The following EEF2 variants were observed in gnomAD, a reference collection of about 807,000 sequenced individuals.
EEF2 encodes the protein eukaryotic translation elongation factor 2.
A neutral mutation model predicts 85.3 loss-of-function variants in EEF2; 21 were observed. The ratio of observed to expected loss-of-function variants is 0.25; its 90% CI spans 0.17 to 0.35. The LOEUF (loss-of-function observed/expected upper bound fraction) is 0.35, where lower values mean the gene tolerates loss of function less well. Among genes scored for constraint, EEF2 ranks in the 10% least tolerant of loss-of-function variants. The pLI is 1.00. For missense variants in EEF2, 825 were observed against 1,225.3 expected (o/e 0.67, Z 4.88); for synonymous variants, 723 against 508.8 (o/e 1.42, Z -5.67).
chr19:3,984,576 T>C lies in EEF2; in HGVS notation c.4-226A>G, dbSNP rs150184692. Among the ~76,000 whole-genome samples, 7 of 152,080 alleles carry C rather than the reference T, an allele frequency of 4.6e-5. No individual in the cohort carries two copies. In the East Asian group the frequency reaches 7.7e-4, roughly 17 times the overall value. ...TCATTCATGATTGACAACCCAGAAA[T>C]AAAAGTGCTCAGGAATAAAACTGAG... On this transcript the variant is annotated intron_variant, in intron 1 of 14. Coordinates refer to ENST00000309311, the MANE Select transcript of EEF2 (RefSeq NM_001961.4).
At chr19:3,976,846 A>G (rs1453427909) in intron 14 of EEF2, 99 bp from the exon 15 acceptor site, 1 of 1,311,768 alleles carries the variant, frequency 7.6e-7, no homozygotes, top group Non-Finnish European at 1.0e-6. Flanking sequence ...AGCCTGAGTC[A>G]CCCTGCAGAC....
At position 3,981,128 on chromosome 19, in the gene EEF2, T is replaced by G. The variant is rs1272365422; in HGVS notation, c.1012-149A>C. 2.3e-6 allele frequency: 3 copies of G among 1,325,762 alleles called. No individual in the cohort carries two copies. In the South Asian group the frequency reaches 4.4e-5, roughly 19 times the overall value. 82.1% of individuals were successfully genotyped at this position (1,325,762 alleles called of 1,614,324 possible). ...CCCTTCTGGAAGGCGGCAAAGGCCA[T>G]GCACACTCCTGCCAAGGCCCTCACC... On this transcript the variant is annotated intron_variant, in intron 7 of 14. Coordinates refer to ENST00000309311, the MANE Select transcript of EEF2 (RefSeq NM_001961.4).
chr19:3,984,000 C>T, intron 2 of EEF2, 136 bp downstream of exon 2: 2 of 901,190 alleles, frequency 2.2e-6, no homozygotes, highest in South Asian at 1.6e-5. Context: ...GACTGAACCT[C>T]ACTCATTCTC....
In EEF2 at chr19:3,982,416, A is replaced by G. The variant is rs977831641; in HGVS notation, c.621T>C (p.Pro207=). The G allele has an allele frequency of 6.2e-7, 1 of 1,614,080 alleles. No individual in the cohort carries two copies. The highest frequency in any genetic ancestry group is 8.5e-7 in the Non-Finnish European group (1 of 1,180,026). Residue 207 remains proline, a synonymous_variant, in exon 5 of 15, where the codon CCT becomes CCC. Coordinates refer to ENST00000309311, the MANE Select transcript of EEF2 (RefSeq NM_001961.4). The part of the protein sequence containing the change: ...SGPMGNIMID[P]VLGTVGFGSG... ...ACCCAAAGCCCACGGTACCGAGGAC[A>G]GGATCGATCTGGAAGTGTGAGAAAC... is the stretch of plus-strand genomic sequence containing the variant.
At chr19:3,980,420 C>T in intron 9 of EEF2, 94 bp downstream of exon 9, 3 of 1,443,124 alleles carry the variant, frequency 2.1e-6, no homozygotes, top group Non-Finnish European at 2.8e-6. Flanking sequence ...TTCTATGCTC[C>T]TTACTTCTAG....
Position 3,983,104 on chromosome 19 carries a change from G to C in EEF2, c.400+6C>G. The C allele has an allele frequency of 1.9e-6, 3 of 1,613,508 alleles. No homozygotes were observed. The highest frequency in any genetic ancestry group is 2.5e-6 in the Non-Finnish European group (3 of 1,179,606). On this transcript the variant is annotated splice_donor_region_variant and intron_variant, in intron 3 of 14. Transcript: ENST00000309311. ...AGGCCGTGCCTCAGGGGGACCCACT[G>C]CTTACCTGACACGCAGTCCACCACC...
chr19:3,976,967 C>T (rs1480207313), intron 14 of EEF2, among the ~76,000 whole-genome samples: 1 of 152,226 alleles, frequency 6.6e-6, no homozygotes, highest in Non-Finnish European at 1.5e-5. Flanking sequence ...GGCTGCTCTA[C>T]CGGCCCAGGG....
chr19:3,984,398 C>A (rs375148431), intron 1 of EEF2, 48 bp from the exon 2 acceptor site: 211 of 1,589,158 alleles, frequency 1.3e-4, no homozygotes, highest in Non-Finnish European at 9.7e-5. Flanking sequence ...TCCAGGAACA[C>A]AGCATGGCAC....
intron 6 of EEF2, 58 bp from the exon 7 acceptor site, chr19:3,981,510 G>A (rs1407975887): frequency 2.7e-6 from 4 of 1,503,476 alleles, no homozygotes; most frequent in Non-Finnish European, 3.7e-6. Flanking sequence ...AGGAAGCCTG[G>A]CACTGCTTCC....
Position 3,979,919 on chromosome 19 carries a change from C to T in EEF2, c.1494G>A (p.Lys498=), listed in dbSNP as rs1348286990. ...FEHAHNMRVM[K]FSVSPVVRVA... is the part of the protein sequence containing the mutation. The stretch of plus-strand genomic sequence containing the variant: ...CTCTGACAACAGGGCTGACGCTGAA[C>T]TTCATCACCCGCATGTTGTGCGCGT... Residue 498 remains lysine, a synonymous_variant, in exon 10 of 15, where the codon AAG becomes AAA. Transcript: ENST00000309311. 1 of 1,613,900 alleles carries T rather than the reference C, an allele frequency of 6.2e-7. No homozygotes were observed. The highest frequency in any genetic ancestry group is 8.5e-7 in the Non-Finnish European group (1 of 1,180,046).
intron 5 of EEF2, 24 bp downstream of exon 5, chr19:3,982,219 TCCC>T (rs764785137): frequency 6.2e-6 from 10 of 1,611,508 alleles, no homozygotes; most frequent in Non-Finnish European, 8.5e-6. Context: ...GTGTCAGGAA[TCCC>T]CCACCATATC....
At position 3,981,402 on chromosome 19, in the gene EEF2, T is replaced by C. The variant is rs781473441; in HGVS notation, c.948A>G (p.Ile316Met). 9 of 1,614,112 alleles carry C rather than the reference T, an allele frequency of 5.6e-6. No individual in the cohort carries two copies. In the Admixed American group the frequency reaches 8.3e-5, roughly 15 times the overall value. ...NFKKEETAKL[I>M]EKLDIKLDSE... Reference sequence around the variant, plus strand: ...TGTCCAGTTTGATGTCCAGTTTCTCTATCAGTTTTGCTGTCTCCTCTTTCT... The same window carrying C: ...TGTCCAGTTTGATGTCCAGTTTCTCCATCAGTTTTGCTGTCTCCTCTTTCT... Residue 316 changes from isoleucine to methionine, a missense_variant, in exon 7 of 15, where the codon ATA becomes ATG. Physicochemically the swap from Ile to Met is conservative, Grantham distance 10. Coordinates refer to ENST00000309311, the MANE Select transcript of EEF2 (RefSeq NM_001961.4).
intron 10 of EEF2, 72 bp downstream of exon 10, chr19:3,979,736 A>G (rs1398177132): frequency 2.6e-6 from 4 of 1,556,862 alleles, no homozygotes; most frequent in Non-Finnish European, 3.5e-6. Flanking sequence ...AGCAACCCAC[A>G]CAGCCACAAC....
At position 3,977,180 on chromosome 19, in the gene EEF2, C is replaced by T. The variant is rs1249657551; in HGVS notation, c.2383+35G>A. The T allele has an allele frequency of 1.2e-6, 2 of 1,602,856 alleles. No homozygotes were observed. The highest frequency in any genetic ancestry group is 1.3e-5 in the African/African-American group (1 of 74,820). On this transcript the variant is annotated intron_variant, in intron 14 of 14. Transcript: ENST00000309311. This position sits in a 1 kb window ranked among gnomAD's most constrained non-coding sequence, Gnocchi z 5.4. ...GGCTTCTGTCCCCCAAACCAGCCTGCCAGGCTCTGCAGGCCACACCGGGCA... is the reference window on the plus strand; with the variant it reads ...GGCTTCTGTCCCCCAAACCAGCCTGTCAGGCTCTGCAGGCCACACCGGGCA...
intron 4 of EEF2, 143 bp downstream of exon 4, chr19:3,982,664 G>A (rs2039768983): frequency 3.5e-6 from 4 of 1,143,418 alleles, no homozygotes; most frequent in Non-Finnish European, 5.0e-6. Flanking sequence ...CAAGTCGGAT[G>A]AAAACATTCC....
chr19:3,985,199 G>A (rs2039804682), intron 1 of EEF2, 179 bp downstream of exon 1: 4 of 626,746 alleles, frequency 6.4e-6, no homozygotes, highest in Non-Finnish European at 9.6e-6. Flanking sequence ...GAAAGGGCTC[G>A]GTGAACAGCG....
rs772796691 is a variant in EEF2, at chr19:3,977,920, C to T, written c.1966G>A (p.Gly656Ser). ...TCGGTGAGGATGTTGGGGCCGGTGC[C>T]GTCGGGCCCAAAGCACCAGATCTTG... The part of the protein sequence containing the change: ...ARKIWCFGPD[G>S]TGPNILTDIT... The change falls in exon 12 of 15, where the codon GGC becomes AGC. Residue 656 changes from glycine to serine, a missense_variant. Coordinates refer to ENST00000309311, the MANE Select transcript of EEF2 (RefSeq NM_001961.4). The surrounding 1 kb of genome is among the most constrained non-coding windows in gnomAD (Gnocchi z 5.4). 1.2e-5 allele frequency: 20 copies of T among 1,613,500 alleles called. No individual in the cohort carries two copies. The highest frequency in any genetic ancestry group is 4.5e-5 in the East Asian group (2 of 44,884).
In EEF2 at chr19:3,982,878, T is replaced by C. The variant is rs1391621336; in HGVS notation, c.541A>G (p.Ile181Val). 2.5e-6 allele frequency: 4 copies of C among 1,613,632 alleles called. 1 individual carries two copies. The highest frequency in any genetic ancestry group is 3.3e-4 in the Middle Eastern group (2 of 6,084). The change falls in exon 4 of 15, where the codon ATC becomes GTC. Residue 181 changes from isoleucine (I) to valine (V), a missense_variant. Transcript: ENST00000309311. Reference sequence around the variant, plus strand: ...ATGATGACGTTCACGTTCTCCACGATGCGCTGGAAAGTCTGGTAGAGCTCC... The same window carrying C: ...ATGATGACGTTCACGTTCTCCACGACGCGCTGGAAAGTCTGGTAGAGCTCC... ...PEELYQTFQR[I>V]VENVNVIIST...
chr19:3,981,204 C>A, intron 7 of EEF2, 135 bp downstream of exon 7: 1 of 1,074,070 alleles, frequency 9.3e-7, no homozygotes, highest in Non-Finnish European at 1.3e-6. Context: ...CCAGCAGCAC[C>A]CAGAGTCTAA....
Sources: gnomAD v4.1 joint callset for allele counts (sites outside exome capture counted in the v4.1 genomes callset) on GRCh38, gnomAD v4.1.1 for gene constraint, Gnocchi (gnomAD v3.1) non-coding constraint, MANE v1.5 for transcripts, NCBI Gene and HGNC (gene_info 2026-07-23, HGNC 2026-07-21) for gene names.